TLL1: variants seen among roughly 807,000 people sequenced by gnomAD.
TLL1 encodes the protein tolloid-like protein 1.
A neutral mutation model predicts 128.2 loss-of-function variants in TLL1; 49 were observed. The ratio of observed to expected loss-of-function variants is 0.38; its 90% CI spans 0.30 to 0.48. The LOEUF (loss-of-function observed/expected upper bound fraction) is 0.48, where lower values mean the gene tolerates loss of function less well. Ranked by LOEUF, TLL1 falls within the 20% of genes least tolerant of loss-of-function variation. The probability of loss-of-function intolerance (pLI) is 0.96; values close to 1 mark genes in which losing one functional copy is unlikely to be tolerated. For synonymous variants in TLL1, 454 were observed against 418.8 expected, an observed-to-expected ratio of 1.08 and a Z score of -1.03; for missense variants, 1,123 against 1,242.0, an observed-to-expected ratio of 0.90 and a Z score of 1.44.
intron 1 of TLL1, among the ~76,000 whole-genome samples, chr4:165,906,693 G>T (rs1732273278): frequency 6.6e-6 from 1 of 152,216 alleles, no homozygotes; most frequent in South Asian, 2.1e-4. Context: ...TGAAAGAATT[G>T]TGAGTAGACA....
intron 1 of TLL1, among the ~76,000 whole-genome samples, chr4:165,950,277 G>T (rs990867515): frequency 6.6e-6 from 1 of 151,994 alleles, no homozygotes; most frequent in Non-Finnish European, 1.5e-5. Context: ...ATTATCACAA[G>T]ATATGAAGCA....
intron 5 of TLL1, among the ~76,000 whole-genome samples, chr4:166,000,508 AG>A: frequency 6.6e-6 from 1 of 152,204 alleles, no homozygotes; most frequent in East Asian, 1.9e-4. Context: ...TATGCTAAAA[AG>A]GATGTTTTAG....
intron 1 of TLL1, among the ~76,000 whole-genome samples, chr4:165,981,041 G>A (rs1338429189): frequency 6.6e-6 from 1 of 151,970 alleles, no homozygotes; most frequent in Non-Finnish European, 1.5e-5. Flanking sequence ...GGCCCAATTG[G>A]TGAACTACTG....
chr4:166,052,707 AT>A (rs1484697827), intron 12 of TLL1, among the ~76,000 whole-genome samples: 1 of 151,772 alleles, frequency 6.6e-6, no homozygotes, highest in African/African-American at 2.4e-5. Flanking sequence ...TTCCAATAGG[AT>A]TGGTGAATCA....
intron 16 of TLL1, among the ~76,000 whole-genome samples, chr4:166,066,990 ACTTAT>A (rs1560849107): frequency 6.6e-6 from 1 of 151,826 alleles, no homozygotes; most frequent in African/African-American, 2.4e-5. Context: ...AGACAAGGTT[ACTTAT>A]CTTAAAGCTA....
rs1166932936 is a variant in TLL1 at position 166,102,169 on chromosome 4, C to A, written c.*1293C>A. The A allele has an allele frequency of 6.6e-6, 1 of 152,398 alleles. No homozygotes were observed. The highest frequency in any genetic ancestry group is 2.4e-5 in the African/African-American group (1 of 41,436). 9.4% of individuals were successfully genotyped at this position (152,398 alleles called of 1,614,324 possible). ...ATGCCTTAGAATTCCTGCACATGAT[C>A]AAACAGATCCTCCTAAAACACACCT... On this transcript the variant is annotated 3_prime_UTR_variant, in exon 21 of 21. Transcript: ENST00000061240.
chr4:165,929,160 A>G (rs1446760059), intron 1 of TLL1, among the ~76,000 whole-genome samples: 1 of 152,184 alleles, frequency 6.6e-6, no homozygotes, highest in Non-Finnish European at 1.5e-5. Flanking sequence ...AGCATTGTTT[A>G]ACAAGGGGTT....
chr4:165,985,596 C>T (rs564720464), intron 1 of TLL1, among the ~76,000 whole-genome samples: 14 of 152,026 alleles, frequency 9.2e-5, no homozygotes, highest in East Asian at 5.8e-4. Context: ...TTAAAGCTGA[C>T]GGCCTCAGCT....
chr4:166,049,974 C>A, intron 12 of TLL1, among the ~76,000 whole-genome samples: 1 of 151,996 alleles, frequency 6.6e-6, no homozygotes, highest in Non-Finnish European at 1.5e-5. Context: ...ATTTAGATTG[C>A]ATTAATTATA....
intron 1 of TLL1, among the ~76,000 whole-genome samples, chr4:165,948,592 C>A (rs1431571423): frequency 6.6e-6 from 1 of 152,096 alleles, no homozygotes; most frequent in East Asian, 1.9e-4. Context: ...GAGTCACAGG[C>A]AGTGCAGGGC....
chr4:165,971,184 C>T (rs954722620), intron 1 of TLL1, among the ~76,000 whole-genome samples: 9 of 152,190 alleles, frequency 5.9e-5, no homozygotes, highest in Admixed American at 3.3e-4. Flanking sequence ...GGGGTTCCCC[C>T]GCTAAGATTA....
chr4:166,002,297 CTCT>C (rs1334061296), intron 5 of TLL1, among the ~76,000 whole-genome samples: 1 of 152,138 alleles, frequency 6.6e-6, no homozygotes. Flanking sequence ...CTTCCAAGGG[CTCT>C]GCCTTCAAAT....
At chr4:165,929,905 C>A (rs985445708) in intron 1 of TLL1, among the ~76,000 whole-genome samples, 9 of 152,186 alleles carry the variant, frequency 5.9e-5, no homozygotes, top group African/African-American at 2.2e-4. Flanking sequence ...GATATCAGCT[C>A]ATTCCTTGTT....
chr4:166,011,308 C>A (rs1737686214), intron 7 of TLL1, among the ~76,000 whole-genome samples: 1 of 151,264 alleles, frequency 6.6e-6, no homozygotes, highest in Non-Finnish European at 1.5e-5. Context: ...TTTGTCTCTT[C>A]TTTAATTTCT....
chr4:165,934,741 T>C (rs1392608165), intron 1 of TLL1, among the ~76,000 whole-genome samples: 3 of 152,234 alleles, frequency 2.0e-5, no homozygotes, highest in Non-Finnish European at 2.9e-5. Flanking sequence ...CTGGTGGCCT[T>C]TGTGGCTCCT....
Position 166,038,851 on chromosome 4 carries a change from ATAT to A in TLL1, c.1159-484_1159-482del, listed in dbSNP as rs1421266099. Among the ~76,000 whole-genome samples the A allele has an allele frequency of 5.3e-5, 8 of 152,172 alleles. No individual in the cohort carries two copies. In the South Asian group the frequency reaches 8.3e-4, roughly 16 times the overall value. On this transcript the variant is annotated intron_variant, in intron 9 of 20. Transcript: ENST00000061240. ...TTAAAACATTTCAACATGCACAATG[ATAT>A]TATATGTTCTGGGAAAGTGGCACAT... is the stretch of plus-strand genomic sequence containing the variant.
chr4:166,019,535 T>C (rs1251663977), intron 8 of TLL1, among the ~76,000 whole-genome samples: 1 of 152,196 alleles, frequency 6.6e-6, no homozygotes, highest in East Asian at 1.9e-4. Context: ...CACAGCTTTA[T>C]TAGGGCATTT....
rs1448738264 is a variant in TLL1, at chr4:165,885,602, A to AC, written c.169+11529_169+11530insC. On this transcript the variant is annotated intron_variant, in intron 1 of 20. Coordinates refer to ENST00000061240, the MANE Select transcript of TLL1 (RefSeq NM_012464.5). Reference sequence around the variant, plus strand: ...CTTCTGAAAACAAACAAACAAACAAAAAAAAAACTACCAAAGAGTAGCAAG... The same window carrying AC: ...CTTCTGAAAACAAACAAACAAACAAACAAAAAAACTACCAAAGAGTAGCAAG... Among the ~76,000 whole-genome samples the AC allele has an allele frequency of 3.0e-3, 463 of 152,194 alleles. 2 individuals are homozygous for AC. The highest frequency in any genetic ancestry group is 0.01 in the African/African-American group (435 of 41,530).
intron 1 of TLL1, among the ~76,000 whole-genome samples, chr4:165,980,140 GGT>G (rs1736088719): frequency 6.6e-6 from 1 of 151,870 alleles, no homozygotes; most frequent in Non-Finnish European, 1.5e-5. Context: ...TTCCGAGCAT[GGT>G]TTTTCTTCAC....
Sources: allele counts gnomAD v4.1 joint callset (sites outside exome capture counted in the v4.1 genomes callset), GRCh38; gene constraint gnomAD v4.1.1; transcripts MANE v1.5; gene names NCBI Gene and HGNC (gene_info 2026-07-23, HGNC 2026-07-21).